KAT6B: variants seen among roughly 807,000 people sequenced by gnomAD.
The protein encoded by KAT6B is histone acetyltransferase KAT6B.
A neutral mutation model predicts 187.5 loss-of-function variants in KAT6B; 10 were observed. The observed-to-expected ratio is 0.05, with a 90% confidence interval of 0.03 to 0.09. KAT6B has a LOEUF of 0.09. KAT6B is among the 10% of genes least tolerant of loss of function. The probability of loss-of-function intolerance (pLI) is 1.00; values close to 1 mark genes in which losing one functional copy is unlikely to be tolerated. For synonymous variants in KAT6B, 861 were observed against 926.8 expected (o/e 0.93, Z 1.29); for missense variants, 1,952 against 2,558.9 (o/e 0.76, Z 5.12).
At chr10:74,985,987 A>G (rs1842782099) in intron 12 of KAT6B, among the ~76,000 whole-genome samples, 1 of 152,220 alleles carries the variant, frequency 6.6e-6, no homozygotes, top group South Asian at 2.1e-4. Flanking sequence ...TGGAGGTTGC[A>G]GTGAGCCGAG....
chr10:74,929,762 T>C (rs924511328), intron 3 of KAT6B, among the ~76,000 whole-genome samples: 2 of 152,208 alleles, frequency 1.3e-5, no homozygotes, highest in African/African-American at 2.4e-5. Flanking sequence ...TAATTCTTAC[T>C]TGTGTTTTCA....
At chr10:74,840,313 C>G (rs1376628613) in intron 2 of KAT6B, among the ~76,000 whole-genome samples, 1 of 152,168 alleles carries the variant, frequency 6.6e-6, no homozygotes, top group African/African-American at 2.4e-5. Context: ...GGTTAAGAAA[C>G]TGGGATATGA....
intron 3 of KAT6B, among the ~76,000 whole-genome samples, chr10:74,873,091 GC>G (rs1173777867): frequency 2.0e-5 from 3 of 152,088 alleles, no homozygotes; most frequent in African/African-American, 7.2e-5. Flanking sequence ...AGCAAAAGTG[GC>G]CAGTTTTAAA....
chr10:74,844,097 C>G (rs1010766681), intron 3 of KAT6B, among the ~76,000 whole-genome samples: 4 of 152,212 alleles, frequency 2.6e-5, no homozygotes, highest in African/African-American at 9.7e-5. Flanking sequence ...TGGTCTCAAG[C>G]TCCTGACCTC....
At chr10:74,910,458 TTTAGTGC>T (rs1234238486) in intron 3 of KAT6B, among the ~76,000 whole-genome samples, 1 of 152,214 alleles carries the variant, frequency 6.6e-6, no homozygotes, top group African/African-American at 2.4e-5. Flanking sequence ...ATTTTTGAGT[TTTAGTGC>T]TTAGGGACTC....
chr10:74,920,434 C>A (rs1848024540), intron 3 of KAT6B, among the ~76,000 whole-genome samples: 2 of 152,192 alleles, frequency 1.3e-5, no homozygotes, highest in African/African-American at 4.8e-5. Context: ...ACCTCTTGGA[C>A]TTCCTGTCCT....
chr10:74,991,897 G>A (rs1843143690), intron 13 of KAT6B, among the ~76,000 whole-genome samples: 1 of 151,890 alleles, frequency 6.6e-6, no homozygotes, highest in South Asian at 2.1e-4. Context: ...ACCTTCTCTT[G>A]GAAGTTACTT....
At chr10:74,832,861 ATGCCTGTAATCCCAGCACTT>A (rs527795713) in intron 1 of KAT6B, among the ~76,000 whole-genome samples, 17 of 151,944 alleles carry the variant, frequency 1.1e-4, no homozygotes, top group African/African-American at 3.9e-4. Flanking sequence ...ATGATGGCTC[ATGCCTGTAATCCCAGCACTT>A]TGGGAGGCTC....
intron 3 of KAT6B, among the ~76,000 whole-genome samples, chr10:74,916,850 C>A (rs1426392809): frequency 6.6e-6 from 1 of 152,156 alleles, no homozygotes; most frequent in African/African-American, 2.4e-5. Context: ...GCCTGTCATC[C>A]CAGCTCTTTG....
At chr10:74,898,183 G>A (rs1265384422) in intron 3 of KAT6B, among the ~76,000 whole-genome samples, 3 of 152,162 alleles carry the variant, frequency 2.0e-5, no homozygotes, top group African/African-American at 4.8e-5. Flanking sequence ...CCTAGGATTT[G>A]GATCCTCAGT....
In KAT6B at chr10:74,975,655, A is replaced by G. The variant is rs577954567; in HGVS notation, c.1318A>G (p.Lys440Glu). 6.8e-6 allele frequency: 11 copies of G among 1,614,150 alleles called. No individual in the cohort carries two copies. The South Asian group carries it at 9.9e-5, about 15-fold the overall frequency. The change falls in exon 8 of 18, where the codon AAG becomes GAG. Residue 440 changes from lysine (K) to glutamate (E), a missense_variant. Transcript: ENST00000287239. ...CAAAGGGCTCATTGATGGCCTTACTAAGTTTTTTACACCATCACCTGATGG... is the reference window on the plus strand; with the variant it reads ...CAAAGGGCTCATTGATGGCCTTACTGAGTTTTTTACACCATCACCTGATGG... ...KTKGLIDGLT[K>E]FFTPSPDGRR... is the part of the protein sequence containing the mutation.
At position 74,900,538 on chromosome 10, in the gene KAT6B, G is replaced by A. The variant is rs151057000; in HGVS notation, c.621+57060G>A. Among the ~76,000 whole-genome samples the A allele has an allele frequency of 1.1e-4, 16 of 152,372 alleles. No individual in the cohort carries two copies. The East Asian group carries it at 1.5e-3, about 15-fold the overall frequency. The stretch of plus-strand genomic sequence containing the variant: ...CAAAGACTTTTCTTTTCCAGCGCAC[G>A]TGTAGGAGCAGCCTGTTGGAGGCAT... On this transcript the variant is annotated intron_variant, in intron 3 of 17. Transcript: ENST00000287239.
intron 3 of KAT6B, among the ~76,000 whole-genome samples, chr10:74,861,449 G>C (rs1843181273): frequency 6.6e-6 from 1 of 152,194 alleles, no homozygotes; most frequent in African/African-American, 2.4e-5. Flanking sequence ...CTATGAGGCA[G>C]GCACTACTTC....
intron 13 of KAT6B, among the ~76,000 whole-genome samples, chr10:75,013,736 C>A (rs941884571): frequency 5.3e-5 from 8 of 152,136 alleles, no homozygotes; most frequent in Admixed American, 4.6e-4. Context: ...TCAATCCTTA[C>A]CAGAACTGTA....
At position 74,830,935 on chromosome 10, in the gene KAT6B, C is replaced by G. The variant is rs559167094; in HGVS notation, c.-329+4150C>G. 6.0e-5 allele frequency among the ~76,000 whole-genome samples: 9 copies of G among 150,036 alleles called. No individual in the cohort carries two copies. The South Asian group carries it at 1.9e-3, about 32-fold the overall frequency. On this transcript the variant is annotated intron_variant, in intron 1 of 17. Coordinates refer to ENST00000287239, the MANE Select transcript of KAT6B (RefSeq NM_012330.4). ...CCTGAGTAGCTGGGATTACAGGTGC[C>G]CACTACCACAACCAGCTAATTTTTT...
At chr10:74,866,060 G>C (rs896166951) in intron 3 of KAT6B, among the ~76,000 whole-genome samples, 1 of 152,118 alleles carries the variant, frequency 6.6e-6, no homozygotes, top group African/African-American at 2.4e-5. Context: ...TGCAGGACTT[G>C]AGTATGTGTG....
rs141739836 is a variant in KAT6B, at chr10:74,876,438, A to G, written c.621+32960A>G. ...GTAGTACTATTTCTAAGGCATCTCCAAGTAGAAAGGCAAAATTTTATTTTG... is the reference window on the plus strand; with the variant it reads ...GTAGTACTATTTCTAAGGCATCTCCGAGTAGAAAGGCAAAATTTTATTTTG... On this transcript the variant is annotated intron_variant, in intron 3 of 17. Transcript: ENST00000287239. Among the ~76,000 whole-genome samples, 1,371 of 152,248 alleles carry G rather than the reference A, an allele frequency of 9.0e-3. 21 individuals are homozygous for G. The highest frequency in any genetic ancestry group is 0.032 in the African/African-American group (1,312 of 41,538).
At chr10:74,830,746 A>ATATATATATATATATATATATATATATG (rs1564891861) in intron 1 of KAT6B, among the ~76,000 whole-genome samples, 2 of 16,872 alleles carry the variant, frequency 1.2e-4, no homozygotes, top group Non-Finnish European at 1.8e-4. Flanking sequence ...ATATATATAT[A>ATATATATATATATATATATATATATATG]TATATATATA....
At chr10:74,847,593 G>A (rs765033786) in intron 3 of KAT6B, among the ~76,000 whole-genome samples, 1 of 152,034 alleles carries the variant, frequency 6.6e-6, no homozygotes, top group Non-Finnish European at 1.5e-5. Context: ...GAACTTGGGA[G>A]GCAGAGATTG....
Sources: allele counts gnomAD v4.1 joint callset (sites outside exome capture counted in the v4.1 genomes callset), GRCh38; gene constraint gnomAD v4.1.1; transcripts MANE v1.5; gene names NCBI Gene and HGNC (gene_info 2026-07-23, HGNC 2026-07-21).